EVL: variants seen among roughly 807,000 people sequenced by gnomAD.
EVL encodes the protein ena/VASP-like protein.
A neutral mutation model predicts 59.6 loss-of-function variants in EVL; 21 were observed. The observed-to-expected ratio is 0.35, with a 90% CI of 0.25 to 0.51. The LOEUF is 0.51. Among genes scored for constraint, EVL ranks in the 20% least tolerant of loss-of-function variants. The pLI, the probability that EVL is intolerant of heterozygous loss-of-function variation, is 0.97. For synonymous variants in EVL, 198 were observed against 203.5 expected, an observed-to-expected ratio of 0.97 and a Z score of 0.23; for missense variants, 462 against 546.6, an observed-to-expected ratio of 0.85 and a Z score of 1.54.
At chr14:100,061,296 T>C (rs866253430), upstream of EVL, among the ~76,000 whole-genome samples, 12 of 148,828 alleles carry the variant, frequency 8.1e-5, no homozygotes, top group African/African-American at 2.7e-4. Context: ...ATGTCCTTAG[T>C]CCCAGCTACT....
chr14:100,038,453 T>G (rs2061419028), intron 1 of EVL, among the ~76,000 whole-genome samples: 1 of 152,074 alleles, frequency 6.6e-6, no homozygotes, highest in Admixed American at 6.5e-5. Context: ...CACCACTGCC[T>G]CCTCTCGGTT....
At chr14:100,067,168 G>T (rs1712972105) in intron 1 of EVL, among the ~76,000 whole-genome samples, 1 of 152,208 alleles carries the variant, frequency 6.6e-6, no homozygotes, top group South Asian at 2.1e-4. Flanking sequence ...TGGCACCATA[G>T]TGACAGTCCT....
At chr14:100,076,607 G>C (rs764820265) in intron 1 of EVL, among the ~76,000 whole-genome samples, 5 of 152,230 alleles carry the variant, frequency 3.3e-5, no homozygotes, top group Non-Finnish European at 7.3e-5. Context: ...TCTAAAAGAG[G>C]TAACAGATAT....
chr14:100,066,052 G>A (rs1213809024), intron 1 of EVL, among the ~76,000 whole-genome samples: 2 of 152,048 alleles, frequency 1.3e-5, no homozygotes, highest in Admixed American at 1.3e-4. Context: ...TCTACAAACC[G>A]CACTCCTCAT....
chr14:100,073,475 C>A (rs1313671748), intron 1 of EVL, among the ~76,000 whole-genome samples: 1 of 151,996 alleles, frequency 6.6e-6, no homozygotes, highest in African/African-American at 2.4e-5. Context: ...GCACCCACCA[C>A]CATGCGTGGC....
intron 1 of EVL, among the ~76,000 whole-genome samples, chr14:99,995,940 G>A (rs564902662): frequency 2.0e-5 from 3 of 152,072 alleles, no homozygotes; most frequent in Non-Finnish European, 2.9e-5. Flanking sequence ...TCTCCCTAGC[G>A]TCTGTCAGTG....
chr14:100,079,488 G>A (rs547969128), intron 1 of EVL, among the ~76,000 whole-genome samples: 42 of 152,218 alleles, frequency 2.8e-4, no homozygotes, highest in Non-Finnish European at 4.0e-4. Flanking sequence ...CAGCAGATTC[G>A]GAGAGGCAGG....
chr14:100,074,347 C>T (rs2062116265), intron 1 of EVL, among the ~76,000 whole-genome samples: 1 of 152,208 alleles, frequency 6.6e-6, no homozygotes, highest in Non-Finnish European at 1.5e-5. Flanking sequence ...TATGGATTTG[C>T]TGTTCATTCC....
chr14:100,060,685 G>C (rs1033197205), upstream of EVL, among the ~76,000 whole-genome samples: 1 of 152,078 alleles, frequency 6.6e-6, no homozygotes, highest in African/African-American at 2.4e-5. Flanking sequence ...GAATGAGGCA[G>C]AAGAAAAATA....
intron 1 of EVL, among the ~76,000 whole-genome samples, chr14:99,985,138 A>G (rs777568681): frequency 1.3e-5 from 2 of 151,704 alleles, no homozygotes; most frequent in Non-Finnish European, 2.9e-5. Context: ...TGACAGATAT[A>G]TATATATTGA....
chr14:100,004,807 T>G (rs575029924), intron 1 of EVL, among the ~76,000 whole-genome samples: 66 of 152,354 alleles, frequency 4.3e-4, no homozygotes, highest in South Asian at 1.2e-3. Context: ...ATACATAACC[T>G]TTAAATAAGC....
intron 3 of EVL, among the ~76,000 whole-genome samples, chr14:100,122,986 G>C (rs1343643993): frequency 6.6e-6 from 1 of 152,234 alleles, no homozygotes; most frequent in Non-Finnish European, 1.5e-5. Context: ...TTTGTAGACA[G>C]CAGGGGTCAC....
chr14:100,116,286 A>T (rs1887340378), intron 3 of EVL, among the ~76,000 whole-genome samples: 1 of 152,178 alleles, frequency 6.6e-6, no homozygotes. Context: ...GAGGCCTTAG[A>T]AGAACTTGGG....
rs757176176 is a variant in EVL at position 100,109,659 on chromosome 14, CTG to C, written c.358+12002_358+12003del. 17 of 531,294 alleles carry C rather than the reference CTG, an allele frequency of 3.2e-5. No individual in the cohort carries two copies. The highest frequency in any genetic ancestry group is 2.5e-4 in the African/African-American group (13 of 52,050). The allele number at this position is 531,294 out of a possible 1,614,324, so 32.9% of individuals were successfully genotyped here. On this transcript the variant is annotated intron_variant, in intron 3 of 13. Coordinates refer to ENST00000392920, the MANE Select transcript of EVL (RefSeq NM_016337.3). The surrounding 1 kb of genome is among the most constrained non-coding windows in gnomAD (Gnocchi z 4.3). ...ACCGCTTGCTGGCCAACCTGTGAAA[CTG>C]GGCTCAAGGTGAGGGGTGCTATCTG...
intron 1 of EVL, chr14:100,019,708 A>C (rs1040062255): frequency 3.3e-6 from 5 of 1,531,640 alleles, no homozygotes; most frequent in Non-Finnish European, 4.4e-6. Context: ...GGCTTTCTAC[A>C]TCAGTCTGCT....
intron 4 of EVL, among the ~76,000 whole-genome samples, chr14:100,125,308 C>A (rs866871328): frequency 1.6e-4 from 24 of 151,904 alleles, no homozygotes; most frequent in Middle Eastern, 3.4e-3. Flanking sequence ...GGGAGACTCT[C>A]GCTTGTCCCA....
rs1939599640 is a variant in EVL, at chr14:100,109,320, C to T, written c.358+11662C>T. 2.8e-6 allele frequency: 1 copy of T among 351,038 alleles called. No homozygotes were observed. The highest frequency in any genetic ancestry group is 2.2e-5 in the South Asian group (1 of 46,344). The allele number at this position is 351,038 out of a possible 1,614,324, so 21.7% of individuals were successfully genotyped here. Reference sequence around the variant, plus strand: ...TCCATACTCCTGGTCACCTTCTGCTCATCCTTTGCCCTGCTGTTGTGAAGC... The same window carrying T: ...TCCATACTCCTGGTCACCTTCTGCTTATCCTTTGCCCTGCTGTTGTGAAGC... On this transcript the variant is annotated intron_variant, in intron 3 of 13. Transcript: ENST00000392920. The surrounding 1 kb of genome is among the most constrained non-coding windows in gnomAD (Gnocchi z 4.3).
chr14:100,006,023 C>CCCCG (rs1491188274), intron 1 of EVL, among the ~76,000 whole-genome samples: 10 of 107,984 alleles, frequency 9.3e-5, no homozygotes, highest in African/African-American at 2.9e-4. Flanking sequence ...CCCCCCCCCC[C>CCCCG]ACACCGACAA....
intron 2 of EVL, among the ~76,000 whole-genome samples, chr14:100,095,069 G>C (rs11160569): frequency 0.31 from 46,727 of 151,884 alleles, 9,063 homozygotes; most frequent in African/African-American, 0.55. Flanking sequence ...AAACAAAAAC[G>C]GTACTAAAAA....
Sources: gnomAD v4.1 joint callset for allele counts (sites outside exome capture counted in the v4.1 genomes callset) on GRCh38, gnomAD v4.1.1 for gene constraint, Gnocchi (gnomAD v3.1) non-coding constraint, MANE v1.5 for transcripts, NCBI Gene and HGNC (gene_info 2026-07-23, HGNC 2026-07-21) for gene names.